The following MEGF8 variants were observed in gnomAD, a reference collection of about 807,000 sequenced individuals.
MEGF8 encodes multiple epidermal growth factor-like domains protein 8.
In MEGF8, 156 loss-of-function variants were observed where a neutral mutation model predicts 302.9. The observed-to-expected ratio is 0.52, with a 90% CI of 0.45 to 0.59. MEGF8 has a LOEUF of 0.59. Ranked by LOEUF, MEGF8 falls within the 20% of genes least tolerant of loss-of-function variation. The pLI is 0.00. For missense variants in MEGF8, 3,345 were observed against 3,964.5 expected, an observed-to-expected ratio of 0.84 and a Z score of 4.20; for synonymous variants, 1,621 against 1,660.5, an observed-to-expected ratio of 0.98 and a Z score of 0.58.
chr19:42,356,773 G>A lies in MEGF8; in HGVS notation c.4623-1G>A, dbSNP rs1358736110. On this transcript the variant is annotated splice_acceptor_variant, in intron 26 of 41. Coordinates refer to ENST00000251268, the MANE Select transcript of MEGF8 (RefSeq NM_001271938.2). LOFTEE classifies it high-confidence loss of function. The surrounding 1 kb of genome is among the most constrained non-coding windows in gnomAD (Gnocchi z 5.2). ...GCTGCTTTTTTGCACCCTGGCCCCA[G>A]GTACTCAGTGAGTGAGCGGCGGTGG... 1 of 1,546,650 alleles carries A rather than the reference G, an allele frequency of 6.5e-7. No individual in the cohort carries two copies. Among genetic ancestry groups the A allele is most frequent in the Non-Finnish European group, 8.7e-7 (1 of 1,144,120 alleles).
Position 42,369,017 on chromosome 19 carries a change from G to A in MEGF8, c.6641+15G>A, listed in dbSNP as rs118098511. ...ACCATGGACAAGTGAGGCCGCAGGC[G>A]GCGCTGGGGCCAGGCAGGCTAGGGT... On this transcript the variant is annotated intron_variant, in intron 37 of 41. Coordinates refer to ENST00000251268, the MANE Select transcript of MEGF8 (RefSeq NM_001271938.2). This position sits in a 1 kb window ranked among gnomAD's most constrained non-coding sequence, Gnocchi z 5.7. The A allele has an allele frequency of 0.013, 21,582 of 1,611,854 alleles. 181 individuals carry two copies. Among genetic ancestry groups the A allele is most frequent in the South Asian group, 0.016 (1,501 of 91,006 alleles).
chr19:42,338,823 GTATTTTTTTTT>G (rs1263445371), intron 8 of MEGF8, among the ~76,000 whole-genome samples: 3 of 79,636 alleles, frequency 3.8e-5, no homozygotes, highest in African/African-American at 1.4e-4. Flanking sequence ...TTCTTTCTAT[GTATTTTTTTTT>G]TTTTTTTTTT....
chr19:42,337,826 G>A (rs1406159628), intron 8 of MEGF8, among the ~76,000 whole-genome samples: 1 of 148,774 alleles, frequency 6.7e-6, no homozygotes, highest in Non-Finnish European at 1.5e-5. Context: ...TTTTTTGAGA[G>A]GGAGTCTCGC....
rs1259111993 is a variant in MEGF8 at position 42,357,979 on chromosome 19, A to G, written c.5012-165A>G. On this transcript the variant is annotated intron_variant, in intron 28 of 41. Transcript: ENST00000251268. The surrounding 1 kb of genome is among the most constrained non-coding windows in gnomAD (Gnocchi z 5.2). ...CTTCTCTTTCCCAGAGTCTCTAATG[A>G]TTGTCCATTTGAACCCAACTGAGAG... Among the ~76,000 whole-genome samples, 1 of 151,924 alleles carries G rather than the reference A, an allele frequency of 6.6e-6. No homozygotes were observed. The highest frequency in any genetic ancestry group is 2.4e-5 in the African/African-American group (1 of 41,354).
intron 5 of MEGF8, 56 bp downstream of exon 5, chr19:42,335,441 G>C: frequency 6.5e-7 from 1 of 1,548,296 alleles, no homozygotes; most frequent in Non-Finnish European, 8.9e-7. Flanking sequence ...GACCCAGCCG[G>C]GGACCCCCGG....
In MEGF8 at chr19:42,334,865, TTC is replaced by T. The variant is rs1191820934; in HGVS notation, c.559-158_559-157del. Among the ~76,000 whole-genome samples, 16 of 151,934 alleles carry T rather than the reference TTC, an allele frequency of 1.1e-4. 1 individual carries two copies. In the South Asian group the frequency reaches 2.3e-3, roughly 22 times the overall value. On this transcript the variant is annotated intron_variant, in intron 3 of 41. Transcript: ENST00000251268. ...TCTTCCTGTCTCTCTCTGTCTCCCTTTCTCTCTCTCTCTTTCCTTTTCCATCC... is the reference window on the plus strand; with the variant it reads ...TCTTCCTGTCTCTCTCTGTCTCCCTTTCTCTCTCTCTTTCCTTTTCCATCC...
At chr19:42,350,567 T>C (rs928114135) in intron 15 of MEGF8, among the ~76,000 whole-genome samples, 183 bp downstream of exon 15, 1 of 152,112 alleles carries the variant, frequency 6.6e-6, no homozygotes, top group Non-Finnish European at 1.5e-5. Context: ...GAGTCAGGAC[T>C]CTCCCTGTTG....
In MEGF8 at chr19:42,358,689, G is replaced by A. The variant is rs1342992963; in HGVS notation, c.5176-98G>A. The A allele has an allele frequency of 2.9e-6, 4 of 1,379,656 alleles. No homozygotes were observed. In the African/African-American group the frequency reaches 4.4e-5, roughly 15 times the overall value. The allele number at this position is 1,379,656 out of a possible 1,614,324, so 85.5% of individuals were successfully genotyped here. The stretch of plus-strand genomic sequence containing the variant: ...TCTGCACTGGTTAGAGAGGCTGGTG[G>A]TTTCAGTCCACACGTTTCCAAGCCC... On this transcript the variant is annotated intron_variant, in intron 29 of 41. Transcript: ENST00000251268. This position sits in a 1 kb window ranked among gnomAD's most constrained non-coding sequence, Gnocchi z 4.4.
intron 23 of MEGF8, among the ~76,000 whole-genome samples, chr19:42,355,255 C>T (rs1326957627): frequency 6.6e-6 from 1 of 151,012 alleles, no homozygotes; most frequent in Admixed American, 6.6e-5. Context: ...CTGCGCCCGG[C>T]ATATATATAT....
chr19:42,357,391 C>T lies in MEGF8; in HGVS notation c.4831-13C>T. ...TCTAGCCCCATCGGTGACCTTGCCC[C>T]TCCATCCCTCAGGCCCCCCAGACCG... On this transcript the variant is annotated splice_polypyrimidine_tract_variant and intron_variant, in intron 27 of 41. Transcript: ENST00000251268. The surrounding 1 kb of genome is among the most constrained non-coding windows in gnomAD (Gnocchi z 5.2). 1 of 1,611,150 alleles carries T rather than the reference C, an allele frequency of 6.2e-7. No individual in the cohort carries two copies. Among genetic ancestry groups the T allele is most frequent in the Non-Finnish European group, 8.5e-7 (1 of 1,178,098 alleles).
At chr19:42,365,247 C>T (rs575348552) in intron 35 of MEGF8, among the ~76,000 whole-genome samples, 65 of 152,060 alleles carry the variant, frequency 4.3e-4, no homozygotes, top group African/African-American at 6.8e-4. Flanking sequence ...TGCGGGCATG[C>T]GCTGTTCCCC....
rs767756921 is a variant in MEGF8, at chr19:42,351,531, A to G, written c.2958A>G (p.Pro986=). 9.9e-6 allele frequency: 16 copies of G among 1,609,542 alleles called. No homozygotes were observed. The highest frequency in any genetic ancestry group is 1.4e-5 in the Non-Finnish European group (16 of 1,178,212). Residue 986 remains proline (P), a synonymous_variant, in exon 17 of 42, where the codon CCA becomes CCG. Coordinates refer to ENST00000251268, the MANE Select transcript of MEGF8 (RefSeq NM_001271938.2). The surrounding 1 kb of genome is among the most constrained non-coding windows in gnomAD (Gnocchi z 5.6). ...TTGCTGCCTACTTGGCCCGGTACCCACACGGGGGCTGTCGAGGCTGGGACG... is the reference window on the plus strand; with the variant it reads ...TTGCTGCCTACTTGGCCCGGTACCCGCACGGGGGCTGTCGAGGCTGGGACG... The part of the protein sequence containing the change: ...FLFAAYLARY[P]HGGCRGWDDS...
chr19:42,342,740 T>A (rs1487398368), intron 8 of MEGF8, among the ~76,000 whole-genome samples: 2 of 152,120 alleles, frequency 1.3e-5, no homozygotes, highest in Non-Finnish European at 2.9e-5. Context: ...ATCAGCCATT[T>A]CTCACTCAAT....
At chr19:42,334,264 A>G (rs2039093533) in intron 3 of MEGF8, 51 bp downstream of exon 3, 11 of 1,489,284 alleles carry the variant, frequency 7.4e-6, no homozygotes, top group Middle Eastern at 2.3e-4. Context: ...CTGTGAGCGC[A>G]GCCTCCACGC....
intron 15 of MEGF8, 89 bp downstream of exon 15, chr19:42,350,473 G>C: frequency 8.2e-7 from 1 of 1,223,516 alleles, no homozygotes; most frequent in South Asian, 1.6e-5. Flanking sequence ...TGGGGGGTGT[G>C]GGGGAAACAG....
At position 42,351,990 on chromosome 19, in the gene MEGF8, C is replaced by G. The variant is rs1568565931; in HGVS notation, c.3102-218C>G. On this transcript the variant is annotated intron_variant, in intron 18 of 41. Coordinates refer to ENST00000251268, the MANE Select transcript of MEGF8 (RefSeq NM_001271938.2). The surrounding 1 kb of genome is among the most constrained non-coding windows in gnomAD (Gnocchi z 5.6). ...TTTCTTTCTCCTTGTCTGTTTCTGT[C>G]TCTCCGCTCTCCCTTTCACTGCATC... 1.3e-5 allele frequency among the ~76,000 whole-genome samples: 2 copies of G among 152,208 alleles called. No individual in the cohort carries two copies. Among genetic ancestry groups the G allele is most frequent in the East Asian group, 3.9e-4 (2 of 5,168 alleles).
rs750556225 is a variant in MEGF8, at chr19:42,335,373, G to A, written c.816G>A (p.Leu272=). Residue 272 remains leucine, a synonymous_variant, in exon 5 of 42, where the codon CTG becomes CTA. Coordinates refer to ENST00000251268, the MANE Select transcript of MEGF8 (RefSeq NM_001271938.2). ...FSANTWESWD[L]SPAPAARHSH... ...CCAACACCTGGGAGTCTTGGGACCT[G>A]AGTCCTGCCCCGGTATGGACCCCTC... 2 of 1,614,014 alleles carry A rather than the reference G, an allele frequency of 1.2e-6. No homozygotes were observed. The highest frequency in any genetic ancestry group is 1.1e-5 in the South Asian group (1 of 91,084).
Position 42,352,780 on chromosome 19 carries a change from T to C in MEGF8, c.3351-148T>C. On this transcript the variant is annotated intron_variant, in intron 19 of 41. Transcript: ENST00000251268. This position sits in a 1 kb window ranked among gnomAD's most constrained non-coding sequence, Gnocchi z 4.4. ...GAGACAGGCTTGGTGATGCATGGAG[T>C]TACCTTGGAGACAGGGTCACCCACA... 1.5e-6 allele frequency: 1 copy of C among 664,732 alleles called. No individual in the cohort carries two copies. Among genetic ancestry groups the C allele is most frequent in the Non-Finnish European group, 2.6e-6 (1 of 388,136 alleles). The allele number at this position is 664,732 out of a possible 1,614,324, so 41.2% of individuals were successfully genotyped here.
rs553753850 is a variant in MEGF8, at chr19:42,345,956, A to G, written c.2097+1123A>G. ...CTCTCTGTCGCCCAGGCTGGAGTGC[A>G]GTGGCACGATCTTGGCTCACTGCAA... On this transcript the variant is annotated intron_variant, in intron 12 of 41. Coordinates refer to ENST00000251268, the MANE Select transcript of MEGF8 (RefSeq NM_001271938.2). Among the ~76,000 whole-genome samples the G allele has an allele frequency of 5.3e-5, 8 of 152,326 alleles. No homozygotes were observed. The South Asian group carries it at 1.7e-3, about 32-fold the overall frequency.
Sources: allele counts gnomAD v4.1 joint callset (sites outside exome capture counted in the v4.1 genomes callset), GRCh38; gene constraint gnomAD v4.1.1; non-coding constraint Gnocchi (gnomAD v3.1); transcripts MANE v1.5; gene names NCBI Gene and HGNC (gene_info 2026-07-23, HGNC 2026-07-21).